C12orf42: variants seen among roughly 807,000 people sequenced by gnomAD.
The protein encoded by C12orf42 is chromosome 12 open reading frame 42, also known as uncharacterized protein C12orf42.
C12orf42 carries 25 observed loss-of-function variants against 21.6 expected under a neutral mutation model. That is an observed-to-expected ratio of 1.16 (90% CI 0.84 to 1.62). The LOEUF (loss-of-function observed/expected upper bound fraction) is 1.62, where lower values mean the gene tolerates loss of function less well. Ranked by LOEUF, C12orf42 falls within the 40% of genes most tolerant of loss-of-function variation. The pLI is 0.00. For synonymous variants in C12orf42, 174 were observed against 175.0 expected (o/e 0.99, Z 0.05); for missense variants, 483 against 459.3 (o/e 1.05, Z -0.47).
At chr12:103,244,072 A>T (rs2033891584) in intron 10 of C12orf42, among the ~76,000 whole-genome samples, 1 of 152,152 alleles carries the variant, frequency 6.6e-6, no homozygotes, top group South Asian at 2.1e-4. Context: ...AGGGTAGGCA[A>T]GAGAAAAATA....
At chr12:103,135,352 G>GGT in the C12orf42 span, among the ~76,000 whole-genome samples, 2 of 152,212 alleles carry the variant, frequency 1.3e-5, no homozygotes, top group East Asian at 3.9e-4. Context: ...CAGCTACTCA[G>GGT]GAGGCTGAAG....
At chr12:103,502,399 G>A in the C12orf42 span, among the ~76,000 whole-genome samples, 15 of 152,250 alleles carry the variant, frequency 9.9e-5, no homozygotes, top group Non-Finnish European at 1.8e-4. Context: ...TGAAATGCAA[G>A]CTCCTTCAGC....
chr12:103,048,473 A>G, the C12orf42 span, among the ~76,000 whole-genome samples: 8 of 152,226 alleles, frequency 5.3e-5, no homozygotes, highest in African/African-American at 1.9e-4. Context: ...TTATAATTAC[A>G]CGTGTGGAAC....
At chr12:103,184,208 T>G in the C12orf42 span, among the ~76,000 whole-genome samples, 17 of 152,356 alleles carry the variant, frequency 1.1e-4, 1 homozygote, top group South Asian at 3.5e-3. Context: ...TATCAATTTT[T>G]GCTTCACATC....
In C12orf42 at chr12:103,398,741, T is replaced by C. The variant is rs77198798; in HGVS notation, c.147+2866A>G. ...AGTTGTCCCCACCCCATTTATTGAATAGTCCTTCCTTTCCCCATCAGTATC... is the reference window on the plus strand; with the variant it reads ...AGTTGTCCCCACCCCATTTATTGAACAGTCCTTCCTTTCCCCATCAGTATC... On this transcript the variant is annotated intron_variant, in intron 3 of 5. Coordinates refer to ENST00000548883, the MANE Select transcript of C12orf42 (RefSeq NM_198521.5). Among the ~76,000 whole-genome samples, 548 of 152,266 alleles carry C rather than the reference T, an allele frequency of 3.6e-3. 5 individuals are homozygous for C. The highest frequency in any genetic ancestry group is 0.012 in the African/African-American group (512 of 41,562).
chr12:103,523,937 C>T, the C12orf42 span, among the ~76,000 whole-genome samples: 789 of 152,196 alleles, frequency 5.2e-3, 5 homozygotes, highest in African/African-American at 0.018. Flanking sequence ...CGCCATCATT[C>T]ACTCACTGAA....
chr12:103,549,843 G>T, the C12orf42 span, among the ~76,000 whole-genome samples: 3 of 152,158 alleles, frequency 2.0e-5, no homozygotes, highest in African/African-American at 7.2e-5. Context: ...TGTTCGTTCA[G>T]ATGGCTGACG....
the C12orf42 span, among the ~76,000 whole-genome samples, chr12:103,075,213 T>C: frequency 6.6e-6 from 1 of 152,234 alleles, no homozygotes; most frequent in Non-Finnish European, 1.5e-5. Context: ...CTGTTTTTAG[T>C]TTTCATATCT....
At chr12:103,146,568 G>GAAAGAAAGAATC in the C12orf42 span, among the ~76,000 whole-genome samples, 1 of 123,636 alleles carries the variant, frequency 8.1e-6, no homozygotes, top group Admixed American at 7.9e-5. Flanking sequence ...AGAAAAGAAA[G>GAAAGAAAGAATC]AAAGAAAGAA....
At chr12:103,123,352 G>A in the C12orf42 span, among the ~76,000 whole-genome samples, 9 of 152,154 alleles carry the variant, frequency 5.9e-5, no homozygotes, top group Non-Finnish European at 1.2e-4. Context: ...AGGCTGGGGA[G>A]CTTTAGGAGA....
the C12orf42 span, among the ~76,000 whole-genome samples, chr12:103,087,660 A>T: frequency 0.023 from 3,440 of 152,344 alleles, 57 homozygotes; most frequent in African/African-American, 0.044. Flanking sequence ...ACGAAATTAA[A>T]ATCTTTCAAT....
chr12:103,462,559 C>A (rs1030372274), intron 2 of C12orf42, among the ~76,000 whole-genome samples: 4 of 152,122 alleles, frequency 2.6e-5, no homozygotes, highest in Non-Finnish European at 4.4e-5. Context: ...CCCCTAAAAG[C>A]CACACACAAA....
At chr12:103,451,651 C>T (rs1951949739) in intron 2 of C12orf42, among the ~76,000 whole-genome samples, 1 of 152,104 alleles carries the variant, frequency 6.6e-6, no homozygotes, top group South Asian at 2.1e-4. Context: ...AATCAGCTGA[C>T]TCTCCAACAT....
At chr12:103,298,705 C>G (rs1320656006), downstream of C12orf42, among the ~76,000 whole-genome samples, 1 of 152,172 alleles carries the variant, frequency 6.6e-6, no homozygotes, top group Non-Finnish European at 1.5e-5. Flanking sequence ...CTCTTGAGAT[C>G]TGGATCAGCT....
chr12:103,113,651 C>T, the C12orf42 span, among the ~76,000 whole-genome samples: 2 of 152,148 alleles, frequency 1.3e-5, no homozygotes, highest in Admixed American at 1.3e-4. Flanking sequence ...AACCTCCTGA[C>T]CCCACCAACA....
At chr12:103,297,057 C>T (rs1454985392), downstream of C12orf42, among the ~76,000 whole-genome samples, 1 of 152,142 alleles carries the variant, frequency 6.6e-6, no homozygotes, top group Non-Finnish European at 1.5e-5. Context: ...GGAAGGGATC[C>T]AGTTTCAGCT....
At chr12:103,065,205 T>C in the C12orf42 span, among the ~76,000 whole-genome samples, 2 of 152,222 alleles carry the variant, frequency 1.3e-5, no homozygotes, top group Non-Finnish European at 2.9e-5. Flanking sequence ...AACTCTCCTA[T>C]TTGGCCTCTG....
chr12:103,438,511 T>C (rs1429287641), intron 2 of C12orf42, among the ~76,000 whole-genome samples: 1 of 152,024 alleles, frequency 6.6e-6, no homozygotes, highest in Non-Finnish European at 1.5e-5. Flanking sequence ...GAAAACCTCA[T>C]TGTCTCAGCC....
chr12:103,515,706 A>C, the C12orf42 span, among the ~76,000 whole-genome samples: 2,019 of 152,334 alleles, frequency 0.013, 43 homozygotes, highest in African/African-American at 0.046. Context: ...TTTCAAATGT[A>C]TGCTGAGTTG....
Sources: allele counts gnomAD v4.1 joint callset (sites outside exome capture counted in the v4.1 genomes callset), GRCh38; gene constraint gnomAD v4.1.1; transcripts MANE v1.5; gene names NCBI Gene and HGNC (gene_info 2026-07-23, HGNC 2026-07-21).